The following TENM3 variants were observed in gnomAD, a reference collection of about 807,000 sequenced individuals.
TENM3 encodes the protein teneurin-3.
In TENM3, 63 loss-of-function variants were observed where a neutral mutation model predicts 255.1. That is an observed-to-expected ratio of 0.25 (90% CI 0.20 to 0.30). The LOEUF is 0.30. Ranked by LOEUF, TENM3 falls within the 10% of genes least tolerant of loss-of-function variation. The probability of loss-of-function intolerance (pLI) is 1.00; values close to 1 mark genes in which losing one functional copy is unlikely to be tolerated. For missense variants in TENM3, 2,929 were observed against 3,461.1 expected, an observed-to-expected ratio of 0.85 and a Z score of 3.86; for synonymous variants, 1,306 against 1,322.3, an observed-to-expected ratio of 0.99 and a Z score of 0.27.
the TENM3 span, among the ~76,000 whole-genome samples, chr4:181,797,343 G>A: frequency 6.6e-6 from 1 of 152,058 alleles, no homozygotes; most frequent in Non-Finnish European, 1.5e-5. Context: ...CAGGAGAACA[G>A]AGAAGGGGCC....
At chr4:181,595,430 C>CAA in the TENM3 span, among the ~76,000 whole-genome samples, 147 of 41,608 alleles carry the variant, frequency 3.5e-3, no homozygotes, top group Middle Eastern at 0.013. Flanking sequence ...GACTCCATCC[C>CAA]AAAAAAAAAA....
chr4:182,014,577 G>A, the TENM3 span, among the ~76,000 whole-genome samples: 279 of 148,520 alleles, frequency 1.9e-3, 2 homozygotes, highest in African/African-American at 6.5e-3. Flanking sequence ...CAATGGTAGG[G>A]CCCCTCCTAT....
the TENM3 span, among the ~76,000 whole-genome samples, chr4:182,137,968 T>C: frequency 6.6e-6 from 1 of 152,252 alleles, no homozygotes; most frequent in East Asian, 1.9e-4. Context: ...AATTATTTTG[T>C]GTAAGTCCTG....
upstream of TENM3, chr4:182,142,025 TGAAA>T (rs1317442975): frequency 2.6e-5 from 4 of 152,238 alleles, no homozygotes; most frequent in Non-Finnish European, 5.9e-5. Flanking sequence ...AAGTGCTTTA[TGAAA>T]GAGTTTCCTT....
the TENM3 span, among the ~76,000 whole-genome samples, chr4:181,625,245 T>G: frequency 6.6e-6 from 1 of 152,196 alleles, no homozygotes; most frequent in Non-Finnish European, 1.5e-5. Flanking sequence ...GGCTTTGGGG[T>G]CCGCCTTGAG....
the TENM3 span, among the ~76,000 whole-genome samples, chr4:181,904,117 C>T: frequency 6.6e-6 from 1 of 152,088 alleles, no homozygotes; most frequent in African/African-American, 2.4e-5. Context: ...AAACTTGATA[C>T]TCTTCAGTAT....
At chr4:181,754,270 G>A in the TENM3 span, among the ~76,000 whole-genome samples, 3 of 133,888 alleles carry the variant, frequency 2.2e-5, no homozygotes, top group Admixed American at 8.3e-5. Context: ...CCAGCACTAT[G>A]TTCTATATCC....
At chr4:181,718,027 G>A in the TENM3 span, among the ~76,000 whole-genome samples, 1 of 152,222 alleles carries the variant, frequency 6.6e-6, no homozygotes, top group Admixed American at 6.5e-5. Context: ...TGCTAACTGA[G>A]AACACTGGGC....
chr4:182,680,183 A>ATTTGATC (rs1756032639), intron 8 of TENM3, 65 bp from the exon 9 acceptor site: 1 of 1,135,084 alleles, frequency 8.8e-7, no homozygotes, highest in Admixed American at 1.9e-5. Flanking sequence ...GATCAAAGTG[A>ATTTGATC]TACCGTTTAT....
intron 5 of TENM3, among the ~76,000 whole-genome samples, chr4:182,639,643 A>G (rs576233836): frequency 6.6e-6 from 1 of 152,336 alleles, no homozygotes; most frequent in South Asian, 2.1e-4. Flanking sequence ...TTATAGATAG[A>G]ACATGAACTG....
the TENM3 span, among the ~76,000 whole-genome samples, chr4:181,713,952 G>A: frequency 6.6e-6 from 1 of 152,132 alleles, no homozygotes; most frequent in African/African-American, 2.4e-5. Context: ...GGTTAAGACA[G>A]GTACTTTGTG....
At chr4:181,846,980 A>T in the TENM3 span, among the ~76,000 whole-genome samples, 1 of 152,234 alleles carries the variant, frequency 6.6e-6, no homozygotes, top group African/African-American at 2.4e-5. Context: ...ACGCAGCCAA[A>T]ATAGGAGCTG....
intron 3 of TENM3, among the ~76,000 whole-genome samples, chr4:182,471,094 G>A (rs1050005466): frequency 6.6e-6 from 1 of 152,070 alleles, no homozygotes; most frequent in Non-Finnish European, 1.5e-5. Context: ...GCAGTGAAAT[G>A]ACCAAAAGCT....
At chr4:182,257,134 G>A (rs1758455251) in intron 1 of TENM3, among the ~76,000 whole-genome samples, 1 of 152,160 alleles carries the variant, frequency 6.6e-6, no homozygotes. Context: ...AAGGGCACTG[G>A]ATCCCATCTT....
At chr4:182,493,580 A>G (rs949096244) in intron 3 of TENM3, among the ~76,000 whole-genome samples, 4 of 152,118 alleles carry the variant, frequency 2.6e-5, no homozygotes, top group African/African-American at 7.2e-5. Flanking sequence ...AAGTGATACC[A>G]CTTTGAGTGA....
intron 3 of TENM3, among the ~76,000 whole-genome samples, chr4:182,505,174 T>C (rs1698859492): frequency 6.6e-6 from 1 of 152,162 alleles, no homozygotes. Flanking sequence ...AATGGTCTTA[T>C]GATTATATAC....
the TENM3 span, among the ~76,000 whole-genome samples, chr4:181,942,312 A>G: frequency 1.3e-5 from 2 of 148,962 alleles, no homozygotes; most frequent in African/African-American, 2.5e-5. Flanking sequence ...CTTTTATCCA[A>G]AATTATCAGT....
chr4:181,754,284 T>TCACACACACACA, the TENM3 span, among the ~76,000 whole-genome samples: 23 of 144,516 alleles, frequency 1.6e-4, no homozygotes, highest in South Asian at 2.3e-4. Flanking sequence ...TATATCCCAG[T>TCACACACACACA]CACACACACA....
the TENM3 span, among the ~76,000 whole-genome samples, chr4:182,078,876 G>A: frequency 6.6e-6 from 1 of 152,142 alleles, no homozygotes; most frequent in Admixed American, 6.5e-5. Context: ...GAATGGGAAG[G>A]TCATGTTGGA....
Sources: allele counts gnomAD v4.1 joint callset (sites outside exome capture counted in the v4.1 genomes callset), GRCh38; gene constraint gnomAD v4.1.1; transcripts MANE v1.5; gene names NCBI Gene and HGNC (gene_info 2026-07-23, HGNC 2026-07-21).